RASEF: variants seen among roughly 807,000 people sequenced by gnomAD.
The protein encoded by RASEF is RAS and EF-hand domain containing, also known as ras and EF-hand domain-containing protein.
In RASEF, 68 loss-of-function variants were observed where a neutral mutation model predicts 90.1. That is an observed-to-expected ratio of 0.75 (90% CI 0.62 to 0.92). The LOEUF (loss-of-function observed/expected upper bound fraction) is 0.92, where lower values mean the gene tolerates loss of function less well. RASEF is among the 40% of genes least tolerant of loss of function. RASEF has a pLI of 0.00. For missense variants in RASEF, 949 were observed against 937.2 expected (o/e 1.01, Z -0.16); for synonymous variants, 331 against 345.2 (o/e 0.96, Z 0.46).
rs1318245422 is a variant in RASEF, at chr9:83,000,988, A to C, written c.1345T>G (p.Tyr449Asp). 1.9e-6 allele frequency: 3 copies of C among 1,614,006 alleles called. No individual in the cohort carries two copies. The highest frequency in any genetic ancestry group is 2.5e-6 in the Non-Finnish European group (3 of 1,179,984). ...TGCTTGTATTCCACTTCTGAGTCAT[A>C]CTCATTGGGATCTCTCAAGGTAGAC... ...GLSTLRDPNE[Y>D]DSEVEYKHQR... Residue 449 changes from tyrosine to aspartate, a missense_variant, in exon 10 of 17, where the codon TAT becomes GAT. Tyr to Asp is a radical substitution (Grantham distance 160). Transcript: ENST00000376447.
the RASEF span, among the ~76,000 whole-genome samples, chr9:83,111,189 CTCAA>C: frequency 6.6e-6 from 1 of 151,488 alleles, no homozygotes; most frequent in African/African-American, 2.5e-5. Context: ...ACATTTAAAA[CTCAA>C]TTGATAGATT....
Position 83,021,338 on chromosome 9 carries a change from A to G in RASEF, c.669+998T>C, listed in dbSNP as rs142347718. Among the ~76,000 whole-genome samples, 733 of 152,318 alleles carry G rather than the reference A, an allele frequency of 4.8e-3. 8 individuals carry two copies. Among genetic ancestry groups the G allele is most frequent in the African/African-American group, 0.017 (707 of 41,562 alleles). On this transcript the variant is annotated intron_variant, in intron 3 of 16. Coordinates refer to ENST00000376447, the MANE Select transcript of RASEF (RefSeq NM_152573.4). ...GCAAACTAAGGTCTCCCAGATGCCA[A>G]TGTTCAGGCCACTTGTACATTATTT...
At chr9:83,169,350 TACACACACACACACACACACAC>T in the RASEF span, among the ~76,000 whole-genome samples, 706 of 146,096 alleles carry the variant, frequency 4.8e-3, 39 homozygotes, top group East Asian at 0.12. Context: ...CTGATTTCCA[TACACACACACACACACACACAC>T]ACACACACAC....
chr9:83,020,637 A>T (rs1326415409), intron 3 of RASEF, among the ~76,000 whole-genome samples: 1 of 152,182 alleles, frequency 6.6e-6, no homozygotes, highest in Non-Finnish European at 1.5e-5. Flanking sequence ...CTGTGGATGC[A>T]TGGGTTTGCC....
At chr9:83,000,668 T>C (rs1829016157) in intron 10 of RASEF, 98 bp from the exon 11 acceptor site, 8 of 1,144,100 alleles carry the variant, frequency 7.0e-6, no homozygotes, top group Admixed American at 2.7e-5. Flanking sequence ...AGAAGAAAAC[T>C]ATGCAGCTAA....
At chr9:83,066,038 A>G (rs1830279696), upstream of RASEF, among the ~76,000 whole-genome samples, 1 of 152,182 alleles carries the variant, frequency 6.6e-6, no homozygotes, top group South Asian at 2.1e-4. Flanking sequence ...GTGGTGCTCC[A>G]ATAAAAAGAG....
At chr9:83,183,560 C>T in the RASEF span, among the ~76,000 whole-genome samples, 7 of 152,114 alleles carry the variant, frequency 4.6e-5, no homozygotes, top group African/African-American at 1.7e-4. Context: ...GGTTTTTCTT[C>T]CCACTGTTAG....
intron 9 of RASEF, among the ~76,000 whole-genome samples, chr9:83,001,893 G>A (rs890899665): frequency 3.9e-5 from 6 of 152,290 alleles, no homozygotes; most frequent in Non-Finnish European, 7.3e-5. Context: ...ACCCCTCTGG[G>A]AGACGTTTCA....
the RASEF span, among the ~76,000 whole-genome samples, chr9:83,130,810 C>T: frequency 3.3e-5 from 5 of 152,206 alleles, no homozygotes. Flanking sequence ...TGTATAAGTG[C>T]TACAAAACAC....
chr9:83,109,334 T>C, the RASEF span, among the ~76,000 whole-genome samples: 1 of 152,202 alleles, frequency 6.6e-6, no homozygotes, highest in African/African-American at 2.4e-5. Context: ...TATGTTCCAC[T>C]CCAGAAAAAG....
the RASEF span, among the ~76,000 whole-genome samples, chr9:83,175,586 C>CT: frequency 4.4e-4 from 63 of 143,058 alleles, no homozygotes; most frequent in South Asian, 8.9e-4. Context: ...TATTTCAATC[C>CT]TTTTTTTTTT....
chr9:83,085,651 C>G, the RASEF span, among the ~76,000 whole-genome samples: 1 of 151,878 alleles, frequency 6.6e-6, no homozygotes. Context: ...TATGGCCGGG[C>G]GCAGTGGCTC....
At chr9:83,007,105 A>T (rs1829148937) in intron 7 of RASEF, among the ~76,000 whole-genome samples, 1 of 151,514 alleles carries the variant, frequency 6.6e-6, no homozygotes, top group South Asian at 2.1e-4. Context: ...AAAAAAAAAA[A>T]AAAAACTCAC....
chr9:83,154,382 C>G, the RASEF span, among the ~76,000 whole-genome samples: 1 of 152,154 alleles, frequency 6.6e-6, no homozygotes, highest in East Asian at 1.9e-4. Context: ...CTTTCTAGAA[C>G]CCTTTCTTCC....
the RASEF span, among the ~76,000 whole-genome samples, chr9:83,191,154 C>G: frequency 6.6e-6 from 1 of 152,144 alleles, no homozygotes; most frequent in East Asian, 1.9e-4. Context: ...GAGAGACTAT[C>G]CCTGCTACCT....
At chr9:83,069,043 G>C in the RASEF span, among the ~76,000 whole-genome samples, 36 of 152,054 alleles carry the variant, frequency 2.4e-4, no homozygotes, top group African/African-American at 8.5e-4. Flanking sequence ...AAATATTACT[G>C]TAGAGAAGAA....
chr9:83,088,090 A>G, the RASEF span, among the ~76,000 whole-genome samples: 1 of 152,126 alleles, frequency 6.6e-6, no homozygotes, highest in Non-Finnish European at 1.5e-5. Flanking sequence ...CATTGTGGTC[A>G]GAAAACATAC....
At chr9:83,138,346 T>A in the RASEF span, among the ~76,000 whole-genome samples, 2 of 152,140 alleles carry the variant, frequency 1.3e-5, no homozygotes, top group Admixed American at 1.3e-4. Flanking sequence ...TTGTCAACAA[T>A]GAAAACAGTT....
At chr9:83,010,138 C>T (rs1323340599) in intron 5 of RASEF, among the ~76,000 whole-genome samples, 5 of 152,142 alleles carry the variant, frequency 3.3e-5, no homozygotes, top group African/African-American at 9.7e-5. Context: ...ATCAACAGTA[C>T]CTATTACCAG....
Sources: gnomAD v4.1 joint callset for allele counts (sites outside exome capture counted in the v4.1 genomes callset) on GRCh38, gnomAD v4.1.1 for gene constraint, MANE v1.5 for transcripts, NCBI Gene and HGNC (gene_info 2026-07-23, HGNC 2026-07-21) for gene names.